The following ZNF106 variants were observed in gnomAD, a reference collection of about 807,000 sequenced individuals.
ZNF106 encodes zinc finger protein 106, also known as SH3-domain binding protein 3.
Under a neutral mutation model 195.1 loss-of-function variants are expected in ZNF106, and 67 were observed. The observed-to-expected ratio is 0.34, with a 90% CI of 0.28 to 0.42. The LOEUF (loss-of-function observed/expected upper bound fraction) is 0.42. ZNF106 is among the 10% of genes least tolerant of loss of function. The pLI, the probability that ZNF106 is intolerant of heterozygous loss-of-function variation, is 1.00. For missense variants in ZNF106, 2,118 were observed against 2,304.5 expected (o/e 0.92, Z 1.66); for synonymous variants, 784 against 818.6 (o/e 0.96, Z 0.72).
rs2055506522 is a variant in ZNF106, at chr15:42,441,001, ATATATATATATATATATATATATATATAT to A, written c.3763+1043_3763+1071del. Reference sequence around the variant, plus strand: ...CTCTGTCTAAAAAAAAAAAAAAAATATATATATATATATATATATATATATATATATATATATATATATATATGCTAAGT... The same window carrying A: ...CTCTGTCTAAAAAAAAAAAAAAAATAATATATATATATATATATGCTAAGT... On this transcript the variant is annotated intron_variant, in intron 10 of 21. Transcript: ENST00000564754. Among the ~76,000 whole-genome samples, 59 of 16,334 alleles carry A rather than the reference ATATATATATATATATATATATATATATAT, an allele frequency of 3.6e-3. 3 individuals are homozygous for A. The highest frequency in any genetic ancestry group is 8.7e-3 in the African/African-American group (50 of 5,736). 10.7% of individuals were successfully genotyped at this position (16,334 alleles called of 152,430 possible). A position where few individuals can be genotyped will look rare whatever the true frequency, so the allele number is the denominator to read the frequency against.
chr15:42,412,887 G>GAAGTTCTTTGTAACTTTACAAAGTTACA lies in ZNF106; in HGVS notation c.*4416_*4417insTGTAACTTTGTAAAGTTACAAAGAACTT, dbSNP rs2054315740. 1 of 152,052 alleles carries GAAGTTCTTTGTAACTTTACAAAGTTACA rather than the reference G, an allele frequency of 6.6e-6. No homozygotes were observed. The highest frequency in any genetic ancestry group is 6.6e-5 in the Admixed American group (1 of 15,266). The allele number at this position is 152,052 out of a possible 1,614,324, so 9.4% of individuals were successfully genotyped here. A position where few individuals can be genotyped will look rare whatever the true frequency, so the allele number is the denominator to read the frequency against. On this transcript the variant is annotated 3_prime_UTR_variant, in exon 22 of 22. Transcript: ENST00000564754. ...TTTATATCTTGCTTTACAAAGTTAC[G>GAAGTTCTTTGTAACTTTACAAAGTTACA]AAGTTCACAGCTTTATACCAAAATG...
At position 42,428,139 on chromosome 15, in the gene ZNF106, TA is replaced by T; in HGVS notation, c.4882-6del. On this transcript the variant is annotated splice_region_variant and splice_polypyrimidine_tract_variant and intron_variant, in intron 14 of 21. Coordinates refer to ENST00000564754, the MANE Select transcript of ZNF106 (RefSeq NM_001366845.3). Reference sequence around the variant, plus strand: ...CTGCTCCACACACTCTCGGCTCTGATAAAAGCACACAACCTTTAATCAGCAG... The same window carrying T: ...CTGCTCCACACACTCTCGGCTCTGATAAAGCACACAACCTTTAATCAGCAG... 1 of 1,613,066 alleles carries T rather than the reference TA, an allele frequency of 6.2e-7. No individual in the cohort carries two copies. The highest frequency in any genetic ancestry group is 1.7e-4 in the Middle Eastern group (1 of 6,056).
chr15:42,419,584 C>G (rs1457752796), intron 20 of ZNF106, among the ~76,000 whole-genome samples: 1 of 152,032 alleles, frequency 6.6e-6, no homozygotes, highest in Non-Finnish European at 1.5e-5. Context: ...CACAAAGACT[C>G]TCTGTCTTGG....
At chr15:42,472,887 G>A (rs1595491595) in intron 1 of ZNF106, among the ~76,000 whole-genome samples, 1 of 151,902 alleles carries the variant, frequency 6.6e-6, no homozygotes, top group East Asian at 1.9e-4. Flanking sequence ...GCAGGTGCCT[G>A]TAATACCAGC....
chr15:42,444,529 A>G (rs2055692118), intron 8 of ZNF106, among the ~76,000 whole-genome samples: 1 of 152,194 alleles, frequency 6.6e-6, no homozygotes, highest in South Asian at 2.1e-4. Context: ...ACCCTCATAT[A>G]AACTCCACAT....
At chr15:42,447,442 C>T (rs568485164) in intron 6 of ZNF106, among the ~76,000 whole-genome samples, 1 of 152,204 alleles carries the variant, frequency 6.6e-6, no homozygotes, top group South Asian at 2.1e-4. Flanking sequence ...GACTGTATCA[C>T]TACCAGCAAC....
chr15:42,429,206 C>G (rs112260311), intron 14 of ZNF106, among the ~76,000 whole-genome samples: 8,580 of 151,024 alleles, frequency 0.057, 393 homozygotes, highest in South Asian at 0.16. Context: ...GTTGGGAAGC[C>G]GAGGCGGGTG....
chr15:42,462,455 C>T (rs886681832), intron 3 of ZNF106, among the ~76,000 whole-genome samples: 1 of 151,966 alleles, frequency 6.6e-6, no homozygotes, highest in Non-Finnish European at 1.5e-5. Flanking sequence ...AAAAATTAGC[C>T]GGCATGGTTG....
Position 42,434,332 on chromosome 15 carries a change from AAAAC to A in ZNF106, c.4881+1048_4881+1051del, listed in dbSNP as rs532640462. Among the ~76,000 whole-genome samples the A allele has an allele frequency of 1.3e-3, 198 of 152,300 alleles. 1 individual carries two copies. Among genetic ancestry groups the A allele is most frequent in the Non-Finnish European group, 2.5e-3 (169 of 68,026 alleles). On this transcript the variant is annotated intron_variant, in intron 14 of 21. Coordinates refer to ENST00000564754, the MANE Select transcript of ZNF106 (RefSeq NM_001366845.3). ...TGAGACCCTGTACCTTAAAAAACAA[AAAAC>A]AAACAAACAAAAAAAACACCTCTGG... is the stretch of plus-strand genomic sequence containing the variant.
intron 1 of ZNF106, among the ~76,000 whole-genome samples, chr15:42,485,503 G>C (rs2056992185): frequency 6.6e-6 from 1 of 152,144 alleles, no homozygotes; most frequent in Admixed American, 6.6e-5. Context: ...CAGGTCTCCA[G>C]TTTCCTCCCA....
In ZNF106 at chr15:42,435,144, CA is replaced by C. The variant is rs926903901; in HGVS notation, c.4881+239del. On this transcript the variant is annotated intron_variant, in intron 14 of 21. Transcript: ENST00000564754. ...TATGCATAACATTTATGGCAAAGAC[CA>C]AGGAAGGTATATTATTAATAGTAGG... Among the ~76,000 whole-genome samples, 81 of 151,956 alleles carry C rather than the reference CA, an allele frequency of 5.3e-4. 1 individual carries two copies. The highest frequency in any genetic ancestry group is 2.0e-3 in the African/African-American group (81 of 41,330).
chr15:42,426,558 C>T (rs1012456893), intron 15 of ZNF106, among the ~76,000 whole-genome samples: 4 of 144,656 alleles, frequency 2.8e-5, no homozygotes, highest in Non-Finnish European at 6.0e-5. Flanking sequence ...TGCTACCATA[C>T]TTAGCTTTTT....
intron 1 of ZNF106, among the ~76,000 whole-genome samples, chr15:42,485,941 C>T (rs1249107497): frequency 6.6e-6 from 1 of 151,308 alleles, no homozygotes; most frequent in Non-Finnish European, 1.5e-5. Context: ...AGGCAAATAT[C>T]CTGTTTTTAT....
intron 1 of ZNF106, among the ~76,000 whole-genome samples, chr15:42,483,339 T>C (rs2056944351): frequency 6.6e-6 from 1 of 152,182 alleles, no homozygotes; most frequent in African/African-American, 2.4e-5. Flanking sequence ...TTCGAATGGC[T>C]CCAAGCAATG....
In ZNF106 at chr15:42,421,989, CT is replaced by C; in HGVS notation, c.5374-2del. 1 of 1,568,600 alleles carries C rather than the reference CT, an allele frequency of 6.4e-7. No homozygotes were observed. Among genetic ancestry groups the C allele is most frequent in the Non-Finnish European group, 8.6e-7 (1 of 1,156,976 alleles). On this transcript the variant is annotated splice_acceptor_variant, in intron 18 of 21. Coordinates refer to ENST00000564754, the MANE Select transcript of ZNF106 (RefSeq NM_001366845.3). LOFTEE classifies it high-confidence loss of function. ...CATAAACTTGTAATCGATCATGAGA[CT>C]TAGGCAGAAAAAAAAAAAGAGAATT...
intron 10 of ZNF106, among the ~76,000 whole-genome samples, chr15:42,440,971 C>T (rs1291649536): frequency 1.5e-4 from 12 of 79,626 alleles, no homozygotes; most frequent in Admixed American, 4.8e-4. Context: ...CAACAAAAAG[C>T]GAAACTCTGT....
chr15:42,455,847 T>C (rs2056207802), intron 4 of ZNF106, among the ~76,000 whole-genome samples: 1 of 152,148 alleles, frequency 6.6e-6, no homozygotes. Flanking sequence ...ACTTAAAAAA[T>C]TATCCCACCT....
intron 17 of ZNF106, among the ~76,000 whole-genome samples, chr15:42,422,960 C>T (rs2054723616): frequency 6.6e-6 from 1 of 152,110 alleles, no homozygotes; most frequent in Non-Finnish European, 1.5e-5. Flanking sequence ...GACCACAAGT[C>T]TATCAGGTGG....
At position 42,438,918 on chromosome 15, in the gene ZNF106, C is replaced by A. The variant is rs900526171; in HGVS notation, c.4544+115G>T. ...AATTTTTCCATATCCACAATCTCTACTGCATTCACATAAAGTTTGGTTTTT... is the reference window on the plus strand; with the variant it reads ...AATTTTTCCATATCCACAATCTCTAATGCATTCACATAAAGTTTGGTTTTT... On this transcript the variant is annotated intron_variant, in intron 11 of 21. Coordinates refer to ENST00000564754, the MANE Select transcript of ZNF106 (RefSeq NM_001366845.3). The A allele has an allele frequency of 2.4e-5, 29 of 1,207,424 alleles. No homozygotes were observed. The African/African-American group carries it at 4.2e-4, about 17-fold the overall frequency. The allele number at this position is 1,207,424 out of a possible 1,614,324, so 74.8% of individuals were successfully genotyped here.
Sources: allele counts gnomAD v4.1 joint callset (sites outside exome capture counted in the v4.1 genomes callset), GRCh38; gene constraint gnomAD v4.1.1; transcripts MANE v1.5; gene names NCBI Gene and HGNC (gene_info 2026-07-23, HGNC 2026-07-21).